The following GON4L variants were observed in gnomAD, a reference collection of about 807,000 sequenced individuals.
GON4L encodes the protein GON-4-like protein.
In GON4L, 87 loss-of-function variants were observed where a neutral mutation model predicts 211.8. The ratio of observed to expected loss-of-function variants is 0.41; its 90% CI spans 0.35 to 0.49. GON4L has a LOEUF of 0.49. GON4L is among the 20% of genes least tolerant of loss of function. GON4L has a pLI of 0.15. For missense variants in GON4L, 2,155 were observed against 2,659.5 expected, an observed-to-expected ratio of 0.81 and a Z score of 4.17; for synonymous variants, 875 against 962.6, an observed-to-expected ratio of 0.91 and a Z score of 1.68.
intron 12 of GON4L, among the ~76,000 whole-genome samples, chr1:155,791,915 AAC>A (rs1557867433): frequency 0.01 from 1,250 of 124,972 alleles, 21 homozygotes; most frequent in African/African-American, 0.033. Context: ...AACATAACAT[AAC>A]ATAACATCAC....
rs758072632 is a variant in GON4L at position 155,767,407 on chromosome 1, C to A, written c.2763+18G>T. 1.2e-6 allele frequency: 2 copies of A among 1,613,716 alleles called. No homozygotes were observed. Among genetic ancestry groups the A allele is most frequent in the Non-Finnish European group, 1.7e-6 (2 of 1,179,842 alleles). On this transcript the variant is annotated intron_variant, in intron 20 of 31. Transcript: ENST00000368331. ...GTGACCTTCTGCCTCCTACAGACTTCGAGGAAGAGGGCTGTACCTTTAACC... is the reference window on the plus strand; with the variant it reads ...GTGACCTTCTGCCTCCTACAGACTTAGAGGAAGAGGGCTGTACCTTTAACC...
intron 6 of GON4L, among the ~76,000 whole-genome samples, chr1:155,817,781 G>T (rs535270745): frequency 6.6e-6 from 1 of 152,174 alleles, no homozygotes; most frequent in African/African-American, 2.4e-5. Flanking sequence ...CCAATTAGCT[G>T]GACATGGTGG....
rs1667981357 is a variant in GON4L at position 155,813,630 on chromosome 1, T to C, written c.1452+4A>G. The C allele has an allele frequency of 6.2e-7, 1 of 1,606,334 alleles. No homozygotes were observed. The highest frequency in any genetic ancestry group is 1.1e-5 in the South Asian group (1 of 90,928). ...TCTCAGTTAAGTACAGTTTTAATAT[T>C]TACCTGGAAAGAATCCATGCAGACT... On this transcript the variant is annotated splice_donor_region_variant and intron_variant, in intron 10 of 31. Transcript: ENST00000368331.
chr1:155,794,446 C>A (rs944003168), intron 12 of GON4L, among the ~76,000 whole-genome samples: 1 of 152,184 alleles, frequency 6.6e-6, no homozygotes, highest in Non-Finnish European at 1.5e-5. Flanking sequence ...ACTTCTCTGT[C>A]TTTTCACTCA....
rs930609708 is a variant in GON4L at position 155,826,868 on chromosome 1, C to T, written c.666G>A (p.Glu222=). 6.2e-7 allele frequency: 1 copy of T among 1,613,200 alleles called. No individual in the cohort carries two copies. The highest frequency in any genetic ancestry group is 1.7e-5 in the Admixed American group (1 of 60,016). Residue 222 remains glutamate (E), a synonymous_variant, in exon 3 of 32, where the codon GAG becomes GAA. Coordinates refer to ENST00000368331, the MANE Select transcript of GON4L (RefSeq NM_001282860.2). ...LRTLFHQPEE[E]IEDGGLFIPM... Reference sequence around the variant, plus strand: ...GAATGAAGAGTCCACCATCTTCTATCTCTTCCTCAGGTTGGTGAAACAGAG... The same window carrying T: ...GAATGAAGAGTCCACCATCTTCTATTTCTTCCTCAGGTTGGTGAAACAGAG...
Position 155,766,067 on chromosome 1 carries a change from CAG to C in GON4L, c.3404_3405del (p.Pro1135ArgfsTer27), listed in dbSNP as rs1662429869. On this transcript the variant is annotated frameshift_variant, in exon 21 of 32. Coordinates refer to ENST00000368331, the MANE Select transcript of GON4L (RefSeq NM_001282860.2). LOFTEE classifies it high-confidence loss of function. ...VKASPCMKPA[P>X]VIHHPASVIF... Reference sequence around the variant, plus strand: ...ATAACAGATGCAGGGTGGTGGATAACAGGGGCAGGTTTCATACAGGGAGAGGC... The same window carrying C: ...ATAACAGATGCAGGGTGGTGGATAACGGGCAGGTTTCATACAGGGAGAGGC... The C allele has an allele frequency of 1.9e-6, 3 of 1,614,010 alleles. No individual in the cohort carries two copies. Among genetic ancestry groups the C allele is most frequent in the African/African-American group, 2.7e-5 (2 of 74,878 alleles).
intron 19 of GON4L, among the ~76,000 whole-genome samples, chr1:155,770,468 T>C (rs1190229219): frequency 6.6e-6 from 1 of 152,194 alleles, no homozygotes; most frequent in Non-Finnish European, 1.5e-5. Context: ...AGTTTGAGGC[T>C]ACAGTGACCT....
At chr1:155,758,294 T>C (rs1416259496) in intron 24 of GON4L, among the ~76,000 whole-genome samples, 2 of 152,200 alleles carry the variant, frequency 1.3e-5, no homozygotes, top group Non-Finnish European at 2.9e-5. Context: ...GTTTGCTGTT[T>C]TAAGGATTGT....
At chr1:155,855,720 C>A (rs1027574012) in intron 1 of GON4L, among the ~76,000 whole-genome samples, 7 of 152,056 alleles carry the variant, frequency 4.6e-5, no homozygotes, top group Non-Finnish European at 7.4e-5. Flanking sequence ...CAGTGGCTCA[C>A]GCCTGTAATC....
At chr1:155,798,502 C>T (rs1393526058) in intron 11 of GON4L, among the ~76,000 whole-genome samples, 1 of 149,084 alleles carries the variant, frequency 6.7e-6, no homozygotes. Context: ...CTCTGCCTCC[C>T]GGGTTCACGC....
At chr1:155,767,144 C>G (rs563782253) in intron 20 of GON4L, 8 of 727,012 alleles carry the variant, frequency 1.1e-5, no homozygotes, top group African/African-American at 1.8e-5. Flanking sequence ...CAAGAAGGGT[C>G]TCTCTGCATA....
chr1:155,768,421 T>C (rs1420840990), intron 19 of GON4L, among the ~76,000 whole-genome samples: 1 of 150,568 alleles, frequency 6.6e-6, no homozygotes, highest in East Asian at 2.0e-4. Flanking sequence ...CCATCCTGGC[T>C]AACATGGTGA....
In GON4L at chr1:155,763,546, T is replaced by C; in HGVS notation, c.4492A>G (p.Thr1498Ala). ...ATGCGCCTTTCAGATGCCAGCCAAG[T>C]CAGTTTCTCCATTGTTTCCTGTAAA... Reference protein sequence around the residue: ...PELQETMEKLTWLASERRMSQ... With the variant: ...PELQETMEKLAWLASERRMSQ... Residue 1498 changes from threonine (T) to alanine (A), a missense_variant, in exon 22 of 32, where the codon ACT (threonine) becomes GCT (alanine). This residue lies in a region of GON4L where 35 missense variants were observed against 73.9 expected (regional missense o/e 0.47). Coordinates refer to ENST00000368331, the MANE Select transcript of GON4L (RefSeq NM_001282860.2). 1.3e-6 allele frequency: 2 copies of C among 1,546,844 alleles called. No individual in the cohort carries two copies. The highest frequency in any genetic ancestry group is 8.7e-7 in the Non-Finnish European group (1 of 1,146,406).
intron 8 of GON4L, among the ~76,000 whole-genome samples, chr1:155,815,038 C>T (rs905369828): frequency 1.4e-4 from 21 of 151,874 alleles, no homozygotes; most frequent in Non-Finnish European, 2.5e-4. Flanking sequence ...TGCCTGAACC[C>T]GGGAGATGGA....
rs755007254 is a variant in GON4L at position 155,855,979 on chromosome 1, CAAAAAAAAAAAAAAA to C, written c.-27+1153_-27+1167del. Among the ~76,000 whole-genome samples, 148 of 23,718 alleles carry C rather than the reference CAAAAAAAAAAAAAAA, an allele frequency of 6.2e-3. 1 individual carries two copies. The highest frequency in any genetic ancestry group is 0.018 in the African/African-American group (139 of 7,538). 15.6% of individuals were successfully genotyped at this position (23,718 alleles called of 152,430 possible). A position where few individuals can be genotyped will look rare whatever the true frequency, so the allele number is the denominator to read the frequency against. On this transcript the variant is annotated intron_variant, in intron 1 of 31. Coordinates refer to ENST00000368331, the MANE Select transcript of GON4L (RefSeq NM_001282860.2). ...CCTGGGCAACAGAGGGAGACTCTGT[CAAAAAAAAAAAAAAA>C]AAAAAAAAAAAAAGGCATCTTATTA...
At chr1:155,841,406 C>T (rs1462467085) in intron 2 of GON4L, among the ~76,000 whole-genome samples, 1 of 152,166 alleles carries the variant, frequency 6.6e-6, no homozygotes, top group Admixed American at 6.6e-5. Context: ...AATAGCTGAA[C>T]AAAATGTTTG....
chr1:155,803,558 C>T (rs1227326022), intron 11 of GON4L, among the ~76,000 whole-genome samples: 4 of 152,078 alleles, frequency 2.6e-5, no homozygotes, highest in African/African-American at 7.2e-5. Flanking sequence ...AGTCTGTTTC[C>T]ATCCAAACTT....
chr1:155,746,966 C>G, downstream of GON4L: 1 of 1,601,094 alleles, frequency 6.2e-7, no homozygotes, highest in Middle Eastern at 1.7e-4. Context: ...TTTTAAATGT[C>G]TTAGAATGAT....
intron 2 of GON4L, among the ~76,000 whole-genome samples, chr1:155,850,767 T>C (rs552865918): frequency 2.6e-5 from 4 of 152,126 alleles, no homozygotes; most frequent in East Asian, 3.9e-4. Flanking sequence ...AATGAATGAA[T>C]AGGCCGGGTG....
Sources: gnomAD v4.1 joint callset for allele counts (sites outside exome capture counted in the v4.1 genomes callset) on GRCh38, gnomAD v4.1.1 for gene constraint, gnomAD v4.1.1 regional missense constraint, MANE v1.5 for transcripts, NCBI Gene and HGNC (gene_info 2026-07-23, HGNC 2026-07-21) for gene names.